The following ZFHX3 variants were observed in gnomAD, a reference collection of about 807,000 sequenced individuals.
ZFHX3 encodes zinc finger homeobox 3, also known as zinc finger homeobox protein 3.
In ZFHX3, 42 loss-of-function variants were observed where a neutral mutation model predicts 279.1. The ratio of observed to expected loss-of-function variants is 0.15; its 90% CI spans 0.12 to 0.19. The LOEUF (loss-of-function observed/expected upper bound fraction) is 0.19. ZFHX3 is among the 10% of genes least tolerant of loss of function. ZFHX3 has a pLI of 1.00. For synonymous variants in ZFHX3, 2,293 were observed against 1,957.8 expected, an observed-to-expected ratio of 1.17 and a Z score of -4.52; for missense variants, 4,981 against 4,754.0, an observed-to-expected ratio of 1.05 and a Z score of -1.40.
intron 3 of ZFHX3, among the ~76,000 whole-genome samples, chr16:72,918,978 G>T (rs920272517): frequency 1.3e-5 from 2 of 152,084 alleles, no homozygotes; most frequent in African/African-American, 4.8e-5. Context: ...TTACAGGCGT[G>T]AGCCACCGCA....
At chr16:73,324,438 C>T (rs188197411) in intron 3 of ZFHX3, among the ~76,000 whole-genome samples, 1 of 152,280 alleles carries the variant, frequency 6.6e-6, no homozygotes, top group East Asian at 1.9e-4. Flanking sequence ...GCCCAGCTCC[C>T]TTGAAGTAAG....
At chr16:72,836,799 T>G (rs1439641530) in intron 4 of ZFHX3, among the ~76,000 whole-genome samples, 3 of 152,120 alleles carry the variant, frequency 2.0e-5, no homozygotes, top group African/African-American at 7.2e-5. Flanking sequence ...TTGAGCTAAC[T>G]AACCCTATGG....
At position 72,798,496 on chromosome 16, in the gene ZFHX3, G is replaced by T; in HGVS notation, c.4186C>A (p.Arg1396Ser). 1.2e-6 allele frequency: 2 copies of T among 1,614,172 alleles called. No homozygotes were observed. Among genetic ancestry groups the T allele is most frequent in the South Asian group, 1.1e-5 (1 of 91,068 alleles). ...TTACAGCGGTACTTGTACACATGGC[G>T]ATCTGACACCGGCAGCTGAGGCCTC... ...AKRPQLPVSD[R>S]HVYKYRCNQC... The change falls in exon 9 of 10, where the codon CGC (arginine) becomes AGC (serine). Residue 1396 changes from arginine to serine, a missense_variant. By Grantham distance (110) the Arg-to-Ser change is moderately radical. Transcript: ENST00000268489.
chr16:73,529,971 G>T (rs2019768605), intron 2 of ZFHX3, among the ~76,000 whole-genome samples: 1 of 152,076 alleles, frequency 6.6e-6, no homozygotes, highest in Non-Finnish European at 1.5e-5. Context: ...CCACTCCATT[G>T]TATTTGATAG....
intron 1 of ZFHX3, among the ~76,000 whole-genome samples, chr16:72,978,703 C>T (rs1271623739): frequency 6.6e-6 from 1 of 152,192 alleles, no homozygotes; most frequent in Non-Finnish European, 1.5e-5. Flanking sequence ...GCAAAGTCTT[C>T]CAGGGATGCA....
At chr16:73,456,792 T>A (rs969852042) in intron 2 of ZFHX3, among the ~76,000 whole-genome samples, 2 of 152,226 alleles carry the variant, frequency 1.3e-5, no homozygotes, top group Non-Finnish European at 2.9e-5. Flanking sequence ...ACTGACTATT[T>A]ATTGAACACA....
At chr16:72,925,040 G>A (rs534393510) in intron 3 of ZFHX3, among the ~76,000 whole-genome samples, 24 of 152,184 alleles carry the variant, frequency 1.6e-4, no homozygotes, top group Non-Finnish European at 1.3e-4. Context: ...GCCTTACAAC[G>A]GGGACACACA....
At chr16:73,270,455 G>C (rs1452120971) in intron 4 of ZFHX3, among the ~76,000 whole-genome samples, 1 of 152,168 alleles carries the variant, frequency 6.6e-6, no homozygotes, top group East Asian at 1.9e-4. Flanking sequence ...CATCTCAGGG[G>C]AGGAACCGAG....
chr16:73,416,533 C>G (rs565414242), intron 3 of ZFHX3, among the ~76,000 whole-genome samples: 5 of 152,238 alleles, frequency 3.3e-5, no homozygotes, highest in Admixed American at 3.3e-4. Context: ...TCATAAATGT[C>G]GTAGGCAAGA....
intron 1 of ZFHX3, among the ~76,000 whole-genome samples, chr16:73,764,562 G>A (rs973156627): frequency 3.9e-5 from 6 of 152,080 alleles, no homozygotes; most frequent in Admixed American, 2.0e-4. Flanking sequence ...CATGCTTCAC[G>A]CTTCCAAGGA....
At chr16:73,383,848 G>A (rs1270955686) in intron 3 of ZFHX3, among the ~76,000 whole-genome samples, 3 of 152,184 alleles carry the variant, frequency 2.0e-5, no homozygotes, top group African/African-American at 4.8e-5. Flanking sequence ...ACAAAACAGC[G>A]GTGCCTCGTG....
intron 2 of ZFHX3, among the ~76,000 whole-genome samples, chr16:73,582,267 G>A (rs1371977792): frequency 6.6e-6 from 1 of 151,730 alleles, no homozygotes; most frequent in African/African-American, 2.4e-5. Context: ...GGCGAAGTGG[G>A]AACCCTTATG....
intron 2 of ZFHX3, chr16:73,499,876 A>G (rs973218627): frequency 6.6e-6 from 1 of 152,230 alleles, no homozygotes; most frequent in African/African-American, 2.4e-5. Context: ...CAGTCACATC[A>G]TAGCTACCAA....
chr16:72,935,296 G>A (rs1960058340), intron 3 of ZFHX3, among the ~76,000 whole-genome samples: 1 of 152,022 alleles, frequency 6.6e-6, no homozygotes, highest in Non-Finnish European at 1.5e-5. Flanking sequence ...CTCAGGGCGG[G>A]GGACAATCAG....
rs953403737 is a variant in ZFHX3, at chr16:73,470,237, G to A, written c.-1546-13979C>T. On this transcript the variant is annotated intron_variant, in intron 2 of 17. Transcript: ENST00000641206. ...TAATGTACACTTTTCCTATATTCAC[G>A]GGGGCTTCAACGCATCATCTACTTA... Among the ~76,000 whole-genome samples, 9 of 152,164 alleles carry A rather than the reference G, an allele frequency of 5.9e-5. No individual in the cohort carries two copies. In the East Asian group the frequency reaches 9.7e-4, roughly 16 times the overall value.
intron 1 of ZFHX3, among the ~76,000 whole-genome samples, chr16:73,855,271 T>G (rs1175910343): frequency 6.6e-6 from 1 of 151,130 alleles, no homozygotes; most frequent in Non-Finnish European, 1.5e-5. Context: ...GTCCCACATT[T>G]GCCCGTGAAA....
chr16:73,489,690 C>T (rs1489825818), intron 2 of ZFHX3, among the ~76,000 whole-genome samples: 1 of 152,066 alleles, frequency 6.6e-6, no homozygotes, highest in Non-Finnish European at 1.5e-5. Flanking sequence ...AATAATCTCT[C>T]CTTACTTTTT....
At chr16:73,710,046 G>A (rs368639068) in intron 1 of ZFHX3, among the ~76,000 whole-genome samples, 5 of 152,092 alleles carry the variant, frequency 3.3e-5, no homozygotes, top group African/African-American at 1.2e-4. Flanking sequence ...TGGCTGGTGT[G>A]GTAGCGGGCG....
Position 73,400,894 on chromosome 16 carries a change from C to T in ZFHX3, c.-1291+55109G>A, listed in dbSNP as rs1248997632. 3 of 152,290 alleles carry T rather than the reference C, an allele frequency of 2.0e-5. No individual in the cohort carries two copies. The East Asian group carries it at 5.8e-4, about 29-fold the overall frequency. 9.4% of individuals were successfully genotyped at this position (152,290 alleles called of 1,614,324 possible). On this transcript the variant is annotated intron_variant, in intron 3 of 17. Transcript: ENST00000641206. The stretch of plus-strand genomic sequence containing the variant: ...CTTCCGCAGAGGGCACACTGTCTTT[C>T]CCAGCCACCAGGCCTGCTGGTGTTT...
Sources: gnomAD v4.1 joint callset for allele counts (sites outside exome capture counted in the v4.1 genomes callset) on GRCh38, gnomAD v4.1.1 for gene constraint, MANE v1.5 for transcripts, NCBI Gene and HGNC (gene_info 2026-07-23, HGNC 2026-07-21) for gene names.